The following ZHX3 variants were observed in gnomAD, a reference collection of about 807,000 sequenced individuals.
ZHX3 encodes zinc fingers and homeoboxes protein 3.
In ZHX3, 20 loss-of-function variants were observed where a neutral mutation model predicts 64.5. The observed-to-expected ratio is 0.31, with a 90% CI of 0.22 to 0.45. ZHX3 has a LOEUF of 0.45. Ranked by LOEUF, ZHX3 falls within the 20% of genes least tolerant of loss-of-function variation. The pLI is 1.00. For synonymous variants in ZHX3, 423 were observed against 461.6 expected (o/e 0.92, Z 1.07); for missense variants, 1,041 against 1,195.8 (o/e 0.87, Z 1.91).
In ZHX3 at chr20:41,181,103, AAGG is replaced by A. The variant is rs1385455787; in HGVS notation, c.*4085_*4087del. On this transcript the variant is annotated 3_prime_UTR_variant, in exon 4 of 4. Transcript: ENST00000683867. ...GAGAGAGGTCTGTGCTCTCAGGTAA[AAGG>A]AGAGAAGGAAGCTGGGTCAAGAGAC... The A allele has an allele frequency of 6.6e-6, 1 of 152,204 alleles. No individual in the cohort carries two copies. Among genetic ancestry groups the A allele is most frequent in the Non-Finnish European group, 1.5e-5 (1 of 68,120 alleles). 9.4% of individuals were successfully genotyped at this position (152,204 alleles called of 1,614,324 possible).
chr20:41,280,251 G>C (rs1023379943), intron 1 of ZHX3, among the ~76,000 whole-genome samples: 1 of 152,154 alleles, frequency 6.6e-6, no homozygotes, highest in Non-Finnish European at 1.5e-5. Flanking sequence ...CACACAAAGA[G>C]TTCTCAATCC....
intron 1 of ZHX3, among the ~76,000 whole-genome samples, chr20:41,275,346 G>C (rs186718192): frequency 6.6e-6 from 1 of 152,144 alleles, no homozygotes; most frequent in Non-Finnish European, 1.5e-5. Flanking sequence ...TGCTTTGGCA[G>C]AGCATGTTAG....
intron 1 of ZHX3, among the ~76,000 whole-genome samples, chr20:41,272,995 A>T (rs2146640918): frequency 6.6e-6 from 1 of 152,274 alleles, no homozygotes; most frequent in South Asian, 2.1e-4. Context: ...CCCACCAGCA[A>T]AGTACAAGGT....
chr20:41,219,144 T>C lies in ZHX3; in HGVS notation c.-150-14078A>G, dbSNP rs1379896490. The stretch of plus-strand genomic sequence containing the variant: ...CGGGTTTTCACCGTGTTAGCGAGCA[T>C]GGTCTCGATCTCCTGACCTCGTGAT... On this transcript the variant is annotated intron_variant, in intron 2 of 3. Transcript: ENST00000683867. The surrounding 1 kb of genome is among the most constrained non-coding windows in gnomAD (Gnocchi z 5.0). Among the ~76,000 whole-genome samples, 1 of 152,102 alleles carries C rather than the reference T, an allele frequency of 6.6e-6. No homozygotes were observed. The highest frequency in any genetic ancestry group is 1.5e-5 in the Non-Finnish European group (1 of 67,976).
chr20:41,243,560 T>C (rs2041514636), intron 2 of ZHX3, among the ~76,000 whole-genome samples: 1 of 152,198 alleles, frequency 6.6e-6, no homozygotes, highest in African/African-American at 2.4e-5. Flanking sequence ...ATATCTTTTG[T>C]CACAGAGCTG....
intron 2 of ZHX3, among the ~76,000 whole-genome samples, chr20:41,266,843 C>G (rs1385629061): frequency 1.6e-5 from 2 of 122,514 alleles, no homozygotes; most frequent in African/African-American, 5.9e-5. Context: ...CCGTGCCCGG[C>G]CTTTTTTTTT....
At chr20:41,188,091 A>T (rs1427253462) in intron 3 of ZHX3, among the ~76,000 whole-genome samples, 1 of 152,008 alleles carries the variant, frequency 6.6e-6, no homozygotes, top group African/African-American at 2.4e-5. Flanking sequence ...ACCCTTCCCA[A>T]CCTGTGCTAT....
Position 41,202,018 on chromosome 20 carries a change from A to C in ZHX3, c.2860+39T>G. The stretch of plus-strand genomic sequence containing the variant: ...CCAACCATAAGTGCCTCCTCCCCTT[A>C]CCCACACAGGATAGCCATGGCCCCT... On this transcript the variant is annotated intron_variant, in intron 3 of 3. Transcript: ENST00000683867. The surrounding 1 kb of genome is among the most constrained non-coding windows in gnomAD (Gnocchi z 7.0). 6.5e-7 allele frequency: 1 copy of C among 1,531,700 alleles called. No individual in the cohort carries two copies. The highest frequency in any genetic ancestry group is 8.8e-7 in the Non-Finnish European group (1 of 1,140,012). The allele number at this position is 1,531,700 out of a possible 1,614,324, so 94.9% of individuals were successfully genotyped here.
At chr20:41,256,309 A>C (rs1250702084) in intron 2 of ZHX3, among the ~76,000 whole-genome samples, 1 of 152,030 alleles carries the variant, frequency 6.6e-6, no homozygotes, top group Non-Finnish European at 1.5e-5. Context: ...CTGGCATATA[A>C]CTGTTGCTGA....
intron 2 of ZHX3, chr20:41,267,486 G>A (rs1283932373): frequency 2.0e-5 from 3 of 152,214 alleles, no homozygotes; most frequent in Non-Finnish European, 4.4e-5. Flanking sequence ...TCCAGCACTG[G>A]TTTAGATCCT....
chr20:41,288,714 TTTATA>T, intron 1 of ZHX3, among the ~76,000 whole-genome samples: 1 of 152,302 alleles, frequency 6.6e-6, no homozygotes, highest in African/African-American at 2.4e-5. Flanking sequence ...AATTCCTACC[TTTATA>T]TTATATGTCT....
At chr20:41,233,848 A>C (rs2040783784) in intron 2 of ZHX3, among the ~76,000 whole-genome samples, 1 of 152,202 alleles carries the variant, frequency 6.6e-6, no homozygotes, top group African/African-American at 2.4e-5. Flanking sequence ...CCTAGGCATA[A>C]AGTCCCAAGA....
At chr20:41,194,019 A>AT (rs1196173339) in intron 3 of ZHX3, among the ~76,000 whole-genome samples, 10 of 152,088 alleles carry the variant, frequency 6.6e-5, no homozygotes, top group African/African-American at 2.4e-4. Flanking sequence ...TACATATATG[A>AT]TCATGTCATC....
intron 2 of ZHX3, among the ~76,000 whole-genome samples, chr20:41,260,868 T>C (rs1419727780): frequency 2.0e-5 from 3 of 152,190 alleles, no homozygotes; most frequent in Admixed American, 6.5e-5. Context: ...ACTCAGCTAG[T>C]AGCTGGTAGA....
intron 2 of ZHX3, among the ~76,000 whole-genome samples, chr20:41,259,763 CA>C (rs1295683056): frequency 1.3e-5 from 2 of 152,112 alleles, no homozygotes; most frequent in African/African-American, 4.8e-5. Flanking sequence ...AACCCAACAT[CA>C]ATGACTCTGG....
At chr20:41,255,764 C>T (rs2042218340) in intron 2 of ZHX3, among the ~76,000 whole-genome samples, 1 of 152,286 alleles carries the variant, frequency 6.6e-6, no homozygotes, top group African/African-American at 2.4e-5. Flanking sequence ...AACTTGGAAT[C>T]TGACTCAAGA....
chr20:41,240,715 T>C (rs999985724), intron 2 of ZHX3, among the ~76,000 whole-genome samples: 2 of 152,110 alleles, frequency 1.3e-5, no homozygotes, highest in African/African-American at 4.8e-5. Context: ...TCTCGATAAG[T>C]TCAATTCTTT....
chr20:41,298,070 CA>C (rs1257277462), intron 1 of ZHX3, among the ~76,000 whole-genome samples: 4 of 148,448 alleles, frequency 2.7e-5, no homozygotes, highest in African/African-American at 9.8e-5. Flanking sequence ...AAGAGTCATC[CA>C]ATTCTTTTTT....
At chr20:41,276,641 C>T (rs988976506) in intron 1 of ZHX3, among the ~76,000 whole-genome samples, 1 of 152,216 alleles carries the variant, frequency 6.6e-6, no homozygotes, top group Admixed American at 6.5e-5. Context: ...AGGCGTCCGC[C>T]TGGGACTTGG....
Sources: gnomAD v4.1 joint callset for allele counts (sites outside exome capture counted in the v4.1 genomes callset) on GRCh38, gnomAD v4.1.1 for gene constraint, Gnocchi (gnomAD v3.1) non-coding constraint, MANE v1.5 for transcripts, NCBI Gene and HGNC (gene_info 2026-07-23, HGNC 2026-07-21) for gene names.